Variants in CMTM4 observed in about 807,000 individuals in gnomAD.
CMTM4 encodes the protein CKLF-like MARVEL transmembrane domain-containing protein 4.
Under a neutral mutation model 19.0 loss-of-function variants are expected in CMTM4, and 8 were observed. The ratio of observed to expected loss-of-function variants is 0.42; its 90% CI spans 0.25 to 0.76. The LOEUF (loss-of-function observed/expected upper bound fraction) is 0.76, where lower values mean the gene tolerates loss of function less well. Ranked by LOEUF, CMTM4 falls within the 30% of genes least tolerant of loss-of-function variation. The pLI, the probability that CMTM4 is intolerant of heterozygous loss-of-function variation, is 0.27. For synonymous variants in CMTM4, 106 were observed against 121.1 expected (o/e 0.88, Z 0.82); for missense variants, 228 against 290.2 (o/e 0.79, Z 1.56).
At chr16:66,691,561 C>T (rs1305478883) in intron 1 of CMTM4, among the ~76,000 whole-genome samples, 1 of 152,108 alleles carries the variant, frequency 6.6e-6, no homozygotes, top group Non-Finnish European at 1.5e-5. Flanking sequence ...ATTAGCTAGG[C>T]ATAGTGGCAT....
chr16:66,608,530 T>A, the CMTM4 span: 1 of 1,533,452 alleles, frequency 6.5e-7, no homozygotes, highest in Non-Finnish European at 8.9e-7. The surrounding 1 kb of genome is among the most constrained non-coding windows in gnomAD (Gnocchi z 5.1). Context: ...GAGTCCAGAG[T>A]CGTGCACTTG....
At chr16:66,693,885 G>A (rs1406657662) in intron 1 of CMTM4, among the ~76,000 whole-genome samples, 1 of 152,132 alleles carries the variant, frequency 6.6e-6, no homozygotes, top group African/African-American at 2.4e-5. Context: ...AGCTGGGCAT[G>A]GTGGTGTGCG....
chr16:66,632,866 T>C (rs2015901493), intron 2 of CMTM4, among the ~76,000 whole-genome samples: 2 of 151,902 alleles, frequency 1.3e-5, no homozygotes, highest in Admixed American at 1.3e-4. Context: ...GCAGGTCACC[T>C]GAGGTTGGGA....
At chr16:66,646,292 C>T (rs1244344555) in intron 1 of CMTM4, among the ~76,000 whole-genome samples, 1 of 152,078 alleles carries the variant, frequency 6.6e-6, no homozygotes, top group Non-Finnish European at 1.5e-5. Context: ...AGGGGAATCA[C>T]AGAGATTTTA....
chr16:66,614,293 A>T (rs942239881), downstream of CMTM4, among the ~76,000 whole-genome samples: 2 of 152,126 alleles, frequency 1.3e-5, no homozygotes, highest in East Asian at 3.9e-4. This position sits in a 1 kb window ranked among gnomAD's most constrained non-coding sequence, Gnocchi z 4.9. Context: ...AAACAAAGAA[A>T]CTGAGACAGA....
At chr16:66,675,229 C>T (rs1424226651) in intron 1 of CMTM4, among the ~76,000 whole-genome samples, 2 of 150,864 alleles carry the variant, frequency 1.3e-5, no homozygotes, top group South Asian at 2.1e-4. Context: ...TACAGGCATG[C>T]GCCAACATGC....
chr16:66,649,175 A>G (rs1024236457), intron 1 of CMTM4, among the ~76,000 whole-genome samples: 1 of 152,156 alleles, frequency 6.6e-6, no homozygotes, highest in Non-Finnish European at 1.5e-5. Context: ...GCTGTGTAAT[A>G]GCCACTGCAC....
chr16:66,647,168 CA>C (rs2016219495), intron 1 of CMTM4, among the ~76,000 whole-genome samples: 1 of 140,024 alleles, frequency 7.1e-6, no homozygotes, highest in Non-Finnish European at 1.6e-5. Flanking sequence ...AAAAAAAATA[CA>C]AAAAAGTAGT....
At chr16:66,642,093 G>A (rs1386807184) in intron 1 of CMTM4, among the ~76,000 whole-genome samples, 2 of 152,020 alleles carry the variant, frequency 1.3e-5, no homozygotes, top group Non-Finnish European at 2.9e-5. Flanking sequence ...GTCTGACATT[G>A]GACACAGCAA....
intron 2 of CMTM4, among the ~76,000 whole-genome samples, chr16:66,631,740 C>G (rs1257975021): frequency 1.3e-5 from 2 of 151,954 alleles, no homozygotes; most frequent in Admixed American, 6.6e-5. Flanking sequence ...CAACATGCTC[C>G]TTAAGAGTCA....
At chr16:66,683,153 ATATATACG>A (rs1209323407) in intron 1 of CMTM4, among the ~76,000 whole-genome samples, 2 of 124,750 alleles carry the variant, frequency 1.6e-5, no homozygotes, top group African/African-American at 3.0e-5. Context: ...ATATGTATAT[ATATATACG>A]TATATATATA....
chr16:66,626,979 T>C (rs2053421791), intron 2 of CMTM4, among the ~76,000 whole-genome samples: 1 of 152,086 alleles, frequency 6.6e-6, no homozygotes, highest in South Asian at 2.1e-4. Context: ...AGTGCGTTCC[T>C]GTAGTCCCAG....
chr16:66,693,953 C>T (rs868568713), intron 1 of CMTM4, among the ~76,000 whole-genome samples: 1 of 151,762 alleles, frequency 6.6e-6, no homozygotes, highest in Non-Finnish European at 1.5e-5. Context: ...GCCCAGGTGG[C>T]GGAGGTTGCA....
At chr16:66,655,518 CGTGTGTGTGTGT>C (rs72390418) in intron 1 of CMTM4, among the ~76,000 whole-genome samples, 6 of 147,922 alleles carry the variant, frequency 4.1e-5, no homozygotes, top group Non-Finnish European at 9.0e-5. Context: ...AGGACAGAAA[CGTGTGTGTGTGT>C]GTGTGTGTGT....
chr16:66,694,712 C>CAA (rs752909314), intron 1 of CMTM4, among the ~76,000 whole-genome samples: 50 of 44,118 alleles, frequency 1.1e-3, no homozygotes, highest in Non-Finnish European at 1.4e-3. Context: ...GACTCCATCT[C>CAA]AAAAAAAAAA....
chr16:66,663,960 C>T (rs960997967), intron 1 of CMTM4, among the ~76,000 whole-genome samples: 2 of 152,148 alleles, frequency 1.3e-5, no homozygotes, highest in African/African-American at 4.8e-5. Flanking sequence ...AGGCCAGGTG[C>T]AGTGGCACAT....
chr16:66,670,230 T>C (rs1045806694), intron 1 of CMTM4, among the ~76,000 whole-genome samples: 1 of 147,160 alleles, frequency 6.8e-6, no homozygotes. Flanking sequence ...GCAGATCACC[T>C]GAGGTTAAGA....
At chr16:66,682,847 T>C (rs2016940487) in intron 1 of CMTM4, among the ~76,000 whole-genome samples, 1 of 152,098 alleles carries the variant, frequency 6.6e-6, no homozygotes. Context: ...TCTCTCTTTC[T>C]GAATGTGTTA....
In CMTM4 at chr16:66,619,617, T is replaced by C. The variant is rs1050480037; in HGVS notation, c.*2441A>G. 2.0e-6 allele frequency: 2 copies of C among 985,202 alleles called. No homozygotes were observed. Among genetic ancestry groups the C allele is most frequent in the Non-Finnish European group, 2.4e-6 (2 of 829,922 alleles). 61.0% of individuals were successfully genotyped at this position (985,202 alleles called of 1,614,324 possible). A position where few individuals can be genotyped will look rare whatever the true frequency, so the allele number is the denominator to read the frequency against. Reference sequence around the variant, plus strand: ...AGGCAATATAAGAAAAATATAGGCGTCTTCATATTCACCTTGGATAACCCT... The same window carrying C: ...AGGCAATATAAGAAAAATATAGGCGCCTTCATATTCACCTTGGATAACCCT... On this transcript the variant is annotated 3_prime_UTR_variant, in exon 4 of 4. Transcript: ENST00000394106.
Sources: allele counts gnomAD v4.1 joint callset (sites outside exome capture counted in the v4.1 genomes callset), GRCh38; gene constraint gnomAD v4.1.1; non-coding constraint Gnocchi (gnomAD v3.1); transcripts MANE v1.5; gene names NCBI Gene and HGNC (gene_info 2026-07-23, HGNC 2026-07-21).